Variants in TCEAL4 observed in about 807,000 individuals in gnomAD.
TCEAL4 encodes the protein transcription elongation factor A like 4.
A neutral mutation model predicts 1.3 loss-of-function variants in TCEAL4; 1 was observed. That is an observed-to-expected ratio of 0.79 (90% CI 0.28 to 3.76). TCEAL4 has a LOEUF of 3.76. Ranked by LOEUF, TCEAL4 falls within the 30% of genes most tolerant of loss-of-function variation. The probability of loss-of-function intolerance (pLI) is 0.18; values close to 1 mark genes in which losing one functional copy is unlikely to be tolerated. For synonymous variants in TCEAL4, 54 were observed against 50.7 expected, an observed-to-expected ratio of 1.06 and a Z score of -0.28; for missense variants, 129 against 154.7, an observed-to-expected ratio of 0.83 and a Z score of 0.88.
upstream of TCEAL4, among the ~76,000 whole-genome samples, chrX:103,584,552 C>T (rs1053618399): frequency 3.6e-5 from 4 of 112,166 alleles, no homozygotes; most frequent in Admixed American, 3.8e-4. Context: ...TTTCTCAGAA[C>T]ATATCCCCGT....
chrX:103,577,465 C>T (rs1277490736), intron 2 of TCEAL4, among the ~76,000 whole-genome samples: 2 of 111,610 alleles, frequency 1.8e-5, no homozygotes, highest in Non-Finnish European at 3.8e-5. Context: ...AGTACAATTT[C>T]ATTAAATATA....
At chrX:103,577,782 T>C (rs1368535340) in intron 2 of TCEAL4, among the ~76,000 whole-genome samples, 2 of 112,069 alleles carry the variant, frequency 1.8e-5, no homozygotes, top group Admixed American at 1.9e-4. Context: ...GCATATATAA[T>C]ACTTTGAAAT....
intron 2 of TCEAL4, among the ~76,000 whole-genome samples, chrX:103,578,753 A>T (rs749984077): frequency 1.8e-5 from 2 of 111,876 alleles, no homozygotes; most frequent in African/African-American, 3.2e-5. Context: ...TATCAGATAC[A>T]TTACTCGCAA....
Position 103,587,150 on chromosome X carries a change from T to C in TCEAL4, c.475T>C (p.Phe159Leu). The C allele has an allele frequency of 1.7e-6, 2 of 1,210,831 alleles. No homozygotes were observed. The highest frequency in any genetic ancestry group is 2.2e-6 in the Non-Finnish European group (2 of 895,283). ...NFSNEDMIRE[F>L]DNMAKVQDEK... is the part of the protein sequence containing the mutation. The stretch of plus-strand genomic sequence containing the variant: ...CAGCAATGAGGACATGATAAGAGAA[T>C]TTGACAATATGGCTAAGGTGCAGGA... The change falls in exon 3 of 3, where the codon TTT (phenylalanine) becomes CTT (leucine). Residue 159 changes from phenylalanine to leucine, a missense_variant. Around this residue, in one of 2 missense-constraint regions of TCEAL4, gnomAD observed 116 missense variants for 120.3 expected, o/e 0.96. Transcript: ENST00000472484.
At chrX:103,577,858 G>A (rs1010467286) in intron 2 of TCEAL4, among the ~76,000 whole-genome samples, 3 of 111,207 alleles carry the variant, frequency 2.7e-5, no homozygotes, top group South Asian at 3.7e-4. Context: ...CATATAATTC[G>A]CCTATTTAGG....
chrX:103,585,477 G>A, upstream of TCEAL4: 4 of 1,095,150 alleles, frequency 3.7e-6, no homozygotes. Context: ...CGGGGCGTGG[G>A]GCGGTGGAAC....
chrX:103,583,921 AG>A (rs766356086), upstream of TCEAL4, among the ~76,000 whole-genome samples: 272 of 112,280 alleles, frequency 2.4e-3, no homozygotes, highest in African/African-American at 7.8e-3. Flanking sequence ...CTGGCACAAA[AG>A]ATCAAATATT....
rs1569392641 is a variant in TCEAL4, at chrX:103,586,973, C to T, written c.298C>T (p.Pro100Ser). 7 of 1,210,269 alleles carry T rather than the reference C, an allele frequency of 5.8e-6. No individual in the cohort carries two copies. The highest frequency in any genetic ancestry group is 7.8e-6 in the Non-Finnish European group (7 of 895,047). The change falls in exon 3 of 3, where the codon CCA becomes TCA. Residue 100 changes from proline to serine, a missense_variant. Pro to Ser is a moderately conservative substitution (Grantham distance 74). Around this residue, in one of 2 missense-constraint regions of TCEAL4, gnomAD observed 116 missense variants for 120.3 expected, o/e 0.96. Coordinates refer to ENST00000472484, the MANE Select transcript of TCEAL4 (RefSeq NM_001006935.3). ...GGGAAAACCAGAGATAGAGGGAAAG[C>T]CAGAGAGTGAAGGAGAGCCAGGGAG... ...REGKPEIEGKPESEGEPGSET... is the reference protein window; with the variant it reads ...REGKPEIEGKSESEGEPGSET...
chrX:103,582,112 G>A (rs2073511051), upstream of TCEAL4, among the ~76,000 whole-genome samples: 1 of 111,846 alleles, frequency 8.9e-6, no homozygotes, highest in Non-Finnish European at 1.9e-5. Context: ...TAGGCAAGCT[G>A]AGAGCTGAAT....
rs1603162652 is a variant in TCEAL4, at chrX:103,585,984, C to T, written c.-100-235C>T. On this transcript the variant is annotated intron_variant, in intron 1 of 2. Transcript: ENST00000472484. ...CCCGTGCGTAGAGAAAAACGTTGAC[C>T]GCGAGGCTGGGGAGGAGAGTTGCCT... 9 of 1,074,620 alleles carry T rather than the reference C, an allele frequency of 8.4e-6. No individual in the cohort carries two copies. In the African/African-American group the frequency reaches 9.4e-5, roughly 11 times the overall value. The allele number at this position is 1,074,620 out of a possible 1,213,427, so 88.6% of individuals were successfully genotyped here. A position where few individuals can be genotyped will look rare whatever the true frequency, so the allele number is the denominator to read the frequency against.
intron 2 of TCEAL4, 41 bp from the exon 3 acceptor site, chrX:103,586,608 T>G: frequency 8.5e-7 from 1 of 1,173,846 alleles, no homozygotes; most frequent in Non-Finnish European, 1.1e-6. Flanking sequence ...GTCTCCCATG[T>G]CTCCTCTTTG....
chrX:103,585,780 T>G (rs1603162315), intron 1 of TCEAL4, 156 bp downstream of exon 1: 1 of 1,121,516 alleles, frequency 8.9e-7, no homozygotes, highest in Non-Finnish European at 1.2e-6. Context: ...CGGCTAGGGG[T>G]GGCTGAGGGG....
At chrX:103,586,001 G>A (rs185920768) in intron 1 of TCEAL4, 3 of 1,077,261 alleles carry the variant, frequency 2.8e-6, no homozygotes, top group Non-Finnish European at 3.6e-6. Flanking sequence ...CTGGGGAGGA[G>A]AGTTGCCTCT....
At position 103,587,408 on chromosome X, in the gene TCEAL4, CT is replaced by C; in HGVS notation, c.*89del. 9.6e-7 allele frequency: 1 copy of C among 1,041,965 alleles called. No homozygotes were observed. Among genetic ancestry groups the C allele is most frequent in the Non-Finnish European group, 1.3e-6 (1 of 784,588 alleles). The allele number at this position is 1,041,965 out of a possible 1,213,427, so 85.9% of individuals were successfully genotyped here. Reference sequence around the variant, plus strand: ...AGGCATCCCTCCTGTTGCTAGCAGCCTTTTGACCTATCTGCAATGCAGTGTT... The same window carrying C: ...AGGCATCCCTCCTGTTGCTAGCAGCCTTTGACCTATCTGCAATGCAGTGTT... On this transcript the variant is annotated 3_prime_UTR_variant, in exon 3 of 3. Coordinates refer to ENST00000472484, the MANE Select transcript of TCEAL4 (RefSeq NM_001006935.3).
chrX:103,582,461 C>T (rs989138013), upstream of TCEAL4, among the ~76,000 whole-genome samples: 3 of 111,940 alleles, frequency 2.7e-5, no homozygotes, highest in Non-Finnish European at 5.6e-5. Context: ...CAATCCTAAG[C>T]AAATAGAACA....
At chrX:103,577,258 A>G (rs1229966545) in intron 2 of TCEAL4, 5 of 1,120,717 alleles carry the variant, frequency 4.5e-6, no homozygotes, top group Non-Finnish European at 4.8e-6. Context: ...CAATAGATCA[A>G]TGTTGTTAAT....
At position 103,587,176 on chromosome X, in the gene TCEAL4, T is replaced by G; in HGVS notation, c.501T>G (p.Asp167Glu). The change falls in exon 3 of 3, where the codon GAT (aspartate) becomes GAG (glutamate). Residue 167 changes from aspartate to glutamate, a missense_variant. This residue lies in a region of TCEAL4 where 116 missense variants were observed against 120.3 expected (regional missense o/e 0.96). Coordinates refer to ENST00000472484, the MANE Select transcript of TCEAL4 (RefSeq NM_001006935.3). ...TTGACAATATGGCTAAGGTGCAGGA[T>G]GAGAAGAGAAAAAGCAAACAGAAAT... Reference protein sequence around the residue: ...REFDNMAKVQDEKRKSKQKLG... With the variant: ...REFDNMAKVQEEKRKSKQKLG... 1 of 1,211,252 alleles carries G rather than the reference T, an allele frequency of 8.3e-7. No homozygotes were observed. Among genetic ancestry groups the G allele is most frequent in the Non-Finnish European group, 1.1e-6 (1 of 895,411 alleles).
At chrX:103,580,576 C>T (rs1184120395), upstream of TCEAL4, among the ~76,000 whole-genome samples, 1 of 111,210 alleles carries the variant, frequency 9.0e-6, no homozygotes, top group Non-Finnish European at 1.9e-5. Flanking sequence ...CCCACCTCAG[C>T]CTCCCAAGTA....
chrX:103,584,865 C>A (rs2073527231), upstream of TCEAL4, among the ~76,000 whole-genome samples: 1 of 112,376 alleles, frequency 8.9e-6, no homozygotes, highest in Admixed American at 9.4e-5. Flanking sequence ...AATATGGGTT[C>A]ATATTTGGGT....
Sources: allele counts gnomAD v4.1 joint callset (sites outside exome capture counted in the v4.1 genomes callset), GRCh38; gene constraint gnomAD v4.1.1; regional missense constraint gnomAD v4.1.1; transcripts MANE v1.5; gene names NCBI Gene and HGNC (gene_info 2026-07-23, HGNC 2026-07-21).